Variants in PCDHB14 observed in about 807,000 individuals in gnomAD.
PCDHB14 encodes the protein protocadherin beta-14.
For missense variants in PCDHB14, 1,129 were observed against 1,000.5 expected (o/e 1.13, Z -1.73); for synonymous variants, 511 against 441.5 (o/e 1.16, Z -1.97).
At position 141,225,344 on chromosome 5, in the gene PCDHB14, G is replaced by T. The variant is rs573614506; in HGVS notation, c.1839G>T (p.Gly613=). 7.9e-5 allele frequency: 126 copies of T among 1,603,082 alleles called. No individual in the cohort carries two copies. The highest frequency in any genetic ancestry group is 6.8e-4 in the Middle Eastern group (3 of 4,426). ...SYQLLKATEP[G]LFGVWAHNGE... ...AGCTGCTCAAGGCCACGGAGCCCGG[G>T]CTGTTCGGCGTGTGGGCGCACAATG... is the stretch of plus-strand genomic sequence containing the variant. Residue 613 remains glycine (G), a synonymous_variant, in exon 1 of 1, where the codon GGG becomes GGT. Transcript: ENST00000239449.
Position 141,225,252 on chromosome 5 carries a change from G to A in PCDHB14, c.1747G>A (p.Gly583Ser). ...TELVPRAAEP[G>S]YLVTKVVAVD... ...GCTGGTGCCCCGGGCGGCCGAGCCG[G>A]GCTACCTGGTGACCAAGGTGGTGGC... is the stretch of plus-strand genomic sequence containing the variant. The change falls in exon 1 of 1, where the codon GGC becomes AGC. Residue 583 changes from glycine (G) to serine (S), a missense_variant. Physicochemically the swap from Gly to Ser is moderately conservative, Grantham distance 56. Coordinates refer to ENST00000239449, the MANE Select transcript of PCDHB14 (RefSeq NM_018934.4). The A allele has an allele frequency of 1.3e-6, 2 of 1,599,800 alleles. No homozygotes were observed. Among genetic ancestry groups the A allele is most frequent in the East Asian group, 2.2e-5 (1 of 44,746 alleles).
At position 141,226,231 on chromosome 5, in the gene PCDHB14, T is replaced by C. The variant is rs1470668999; in HGVS notation, c.*329T>C. The stretch of plus-strand genomic sequence containing the variant: ...TATTAAGAGCTAATGTCATTATATA[T>C]GTAACTTAAATCTAGACACCATCAA... On this transcript the variant is annotated 3_prime_UTR_variant, in exon 1 of 1. Transcript: ENST00000239449. 3.2e-5 allele frequency: 7 copies of C among 218,090 alleles called. No homozygotes were observed. The highest frequency in any genetic ancestry group is 1.6e-4 in the African/African-American group (7 of 42,906). The allele number at this position is 218,090 out of a possible 1,614,324, so 13.5% of individuals were successfully genotyped here.
rs782183868 is a variant in PCDHB14 at position 141,225,928 on chromosome 5, T to C, written c.*26T>C. The C allele has an allele frequency of 1.3e-6, 2 of 1,570,798 alleles. No homozygotes were observed. The highest frequency in any genetic ancestry group is 1.7e-6 in the Non-Finnish European group (2 of 1,157,090). On this transcript the variant is annotated 3_prime_UTR_variant, in exon 1 of 1. Transcript: ENST00000239449. The stretch of plus-strand genomic sequence containing the variant: ...AACAATTTATTTTAAATGTCTAATT[T>C]TTGGTTATTCTTGGCAAGCTGATGG...
chr5:141,223,778 C>T lies in PCDHB14; in HGVS notation c.273C>T (p.Asp91=). Residue 91 remains aspartate (D), a synonymous_variant, in exon 1 of 1, where the codon GAC becomes GAT. Transcript: ENST00000239449. ...TGNLLLNEKL[D]RDELCGSTEP... ...ATTTGCTCCTAAATGAGAAACTAGA[C>T]CGAGACGAGCTGTGTGGCTCCACCG... 6.2e-7 allele frequency: 1 copy of T among 1,614,062 alleles called. No homozygotes were observed. Among genetic ancestry groups the T allele is most frequent in the South Asian group, 1.1e-5 (1 of 91,054 alleles).
Position 141,223,936 on chromosome 5 carries a change from AAGGTACC to A in PCDHB14, c.433_439del (p.Gly145LeufsTer7). 1 of 1,614,082 alleles carries A rather than the reference AAGGTACC, an allele frequency of 6.2e-7. No individual in the cohort carries two copies. Among genetic ancestry groups the A allele is most frequent in the Non-Finnish European group, 8.5e-7 (1 of 1,179,978 alleles). ...AAGGAAATACTTATTAAAATATCAG[AAGGTACC>A]ACTGTTGGAGCTACCTTTCTAATGG... On this transcript the variant is annotated frameshift_variant, in exon 1 of 1. Transcript: ENST00000239449. LOFTEE classifies it low-confidence loss of function (END_TRUNC).
chr5:141,225,982 T>A lies in PCDHB14; in HGVS notation c.*80T>A. 7.7e-7 allele frequency: 1 copy of A among 1,304,056 alleles called. No individual in the cohort carries two copies. The highest frequency in any genetic ancestry group is 1.5e-5 in the African/African-American group (1 of 67,692). The allele number at this position is 1,304,056 out of a possible 1,614,324, so 80.8% of individuals were successfully genotyped here. Reference sequence around the variant, plus strand: ...TTTTTGCATAATCTTTTGTGGATTCTTGGTTGTACTGTAGTTGCATGCATG... The same window carrying A: ...TTTTTGCATAATCTTTTGTGGATTCATGGTTGTACTGTAGTTGCATGCATG... On this transcript the variant is annotated 3_prime_UTR_variant, in exon 1 of 1. Transcript: ENST00000239449.
rs782711820 is a variant in PCDHB14, at chr5:141,225,663, G to A, written c.2158G>A (p.Ala720Thr). ...GCGGCTGTGCAGGAGGAGCAGGGCGGCCTCGGTGGGTCGCTGCTCGGTGCC... is the reference window on the plus strand; with the variant it reads ...GCGGCTGTGCAGGAGGAGCAGGGCGACCTCGGTGGGTCGCTGCTCGGTGCC... ...AVRLCRRSRA[A>T]SVGRCSVPEG... Residue 720 changes from alanine (A) to threonine (T), a missense_variant, in exon 1 of 1, where the codon GCC (alanine) becomes ACC (threonine). Transcript: ENST00000239449. 56 of 1,613,688 alleles carry A rather than the reference G, an allele frequency of 3.5e-5. 1 individual carries two copies. The South Asian group carries it at 5.8e-4, about 17-fold the overall frequency.
Position 141,224,499 on chromosome 5 carries a change from A to G in PCDHB14, c.994A>G (p.Thr332Ala), listed in dbSNP as rs1554289188. The G allele has an allele frequency of 6.2e-7, 1 of 1,613,524 alleles. No homozygotes were observed. The highest frequency in any genetic ancestry group is 8.5e-7 in the Non-Finnish European group (1 of 1,179,836). Residue 332 changes from threonine (T) to alanine (A), a missense_variant, in exon 1 of 1, where the codon ACC becomes GCC. By Grantham distance (58) the Thr-to-Ala change is moderately conservative. Transcript: ENST00000239449. ...TGGTGGGGGTCTTTCAGGAAAATGC[A>G]CCCTTCTAGTTAAAGTTATGGATAT... The part of the protein sequence containing the change: ...TDGGGLSGKC[T>A]LLVKVMDIND...
chr5:141,225,114 G>A lies in PCDHB14; in HGVS notation c.1609G>A (p.Gly537Arg). The A allele has an allele frequency of 2.5e-6, 4 of 1,612,038 alleles. No individual in the cohort carries two copies. The highest frequency in any genetic ancestry group is 3.4e-6 in the Non-Finnish European group (4 of 1,179,816). ...FEFRVGATDRGSPALSSEALV... is the reference protein window; with the variant it reads ...FEFRVGATDRRSPALSSEALV... ...GTTTCGCGTGGGCGCCACAGACCGC[G>A]GGTCCCCGGCGTTGAGCAGCGAGGC... The change falls in exon 1 of 1, where the codon GGG (glycine) becomes AGG (arginine). Residue 537 changes from glycine (G) to arginine (R), a missense_variant. Transcript: ENST00000239449.
In PCDHB14 at chr5:141,223,483, A is replaced by T. The variant is rs782565299; in HGVS notation, c.-23A>T. ...ATTACGGCTGAGCTTCAGTTTTTCC[A>T]CAAGAGATTGCCTAAAGGAACCATG... On this transcript the variant is annotated 5_prime_UTR_variant, in exon 1 of 1. Coordinates refer to ENST00000239449, the MANE Select transcript of PCDHB14 (RefSeq NM_018934.4). 1 of 1,543,978 alleles carries T rather than the reference A, an allele frequency of 6.5e-7. No individual in the cohort carries two copies.
In PCDHB14 at chr5:141,223,780, G is replaced by C. The variant is rs1554289041; in HGVS notation, c.275G>C (p.Arg92Pro). ...GNLLLNEKLD[R>P]DELCGSTEPC... ...TTGCTCCTAAATGAGAAACTAGACCGAGACGAGCTGTGTGGCTCCACCGAG... is the reference window on the plus strand; with the variant it reads ...TTGCTCCTAAATGAGAAACTAGACCCAGACGAGCTGTGTGGCTCCACCGAG... Residue 92 changes from arginine (R) to proline (P), a missense_variant, in exon 1 of 1, where the codon CGA (arginine) becomes CCA (proline). Coordinates refer to ENST00000239449, the MANE Select transcript of PCDHB14 (RefSeq NM_018934.4). The C allele has an allele frequency of 6.2e-7, 1 of 1,613,998 alleles. No homozygotes were observed. Among genetic ancestry groups the C allele is most frequent in the Admixed American group, 1.7e-5 (1 of 60,004 alleles).
Position 141,225,031 on chromosome 5 carries a change from A to G in PCDHB14, c.1526A>G (p.Asp509Gly), listed in dbSNP as rs199617011. 276 of 1,612,596 alleles carry G rather than the reference A, an allele frequency of 1.7e-4. 1 individual carries two copies. Among genetic ancestry groups the G allele is most frequent in the Non-Finnish European group, 2.3e-4 (269 of 1,179,994 alleles). The stretch of plus-strand genomic sequence containing the variant: ...GCCTCCTTGGTCTCCATCAACGCGG[A>G]CAATGGCCACCTGTTTGCCCTCAGG... ...PLASLVSINA[D>G]NGHLFALRSL... Residue 509 changes from aspartate to glycine, a missense_variant, in exon 1 of 1, where the codon GAC becomes GGC. Coordinates refer to ENST00000239449, the MANE Select transcript of PCDHB14 (RefSeq NM_018934.4).
chr5:141,223,906 T>C lies in PCDHB14; in HGVS notation c.401T>C (p.Leu134Pro). The stretch of plus-strand genomic sequence containing the variant: ...ATAAATGATCACTCCCCTACATTTC[T>C]AGACAAGGAAATACTTATTAAAATA... ...KDINDHSPTF[L>P]DKEILIKISE... Residue 134 changes from leucine to proline, a missense_variant, in exon 1 of 1, where the codon CTA becomes CCA. By Grantham distance (98) the Leu-to-Pro change is moderately conservative. Coordinates refer to ENST00000239449, the MANE Select transcript of PCDHB14 (RefSeq NM_018934.4). The C allele has an allele frequency of 6.2e-7, 1 of 1,613,960 alleles. No homozygotes were observed. Among genetic ancestry groups the C allele is most frequent in the South Asian group, 1.1e-5 (1 of 91,054 alleles).
chr5:141,225,898 A>C lies in PCDHB14; in HGVS notation c.2393A>C (p.Gln798Pro). 6.3e-7 allele frequency: 1 copy of C among 1,595,252 alleles called. No individual in the cohort carries two copies. The highest frequency in any genetic ancestry group is 1.1e-5 in the South Asian group (1 of 88,314). ...NFRNSFGLNI[Q>P] The stretch of plus-strand genomic sequence containing the variant: ...CGAAATAGCTTTGGACTTAACATTC[A>C]ATAAAACAATTTATTTTAAATGTCT... Residue 798 changes from glutamine (Q) to proline (P), a missense_variant, in exon 1 of 1, where the codon CAA becomes CCA. Transcript: ENST00000239449.
Position 141,224,540 on chromosome 5 carries a change from A to C in PCDHB14, c.1035A>C (p.Pro345=), listed in dbSNP as rs782064145. ...TTATGGATATAAACGACAACCCACC[A>C]GAAGTGACCATATCGTCGATTACAA... The part of the protein sequence containing the change: ...VKVMDINDNP[P]EVTISSITKR... Residue 345 remains proline, a synonymous_variant, in exon 1 of 1, where the codon CCA becomes CCC. Transcript: ENST00000239449. 1 of 1,612,598 alleles carries C rather than the reference A, an allele frequency of 6.2e-7. No individual in the cohort carries two copies. The highest frequency in any genetic ancestry group is 1.1e-5 in the South Asian group (1 of 90,744).
Position 141,224,769 on chromosome 5 carries a change from A to G in PCDHB14, c.1264A>G (p.Thr422Ala). 1.2e-6 allele frequency: 2 copies of G among 1,614,190 alleles called. No homozygotes were observed. Among genetic ancestry groups the G allele is most frequent in the Non-Finnish European group, 1.7e-6 (2 of 1,180,028 alleles). Residue 422 changes from threonine to alanine, a missense_variant, in exon 1 of 1, where the codon ACC becomes GCC. By Grantham distance (58) the Thr-to-Ala change is moderately conservative (BLOSUM62 0). Transcript: ENST00000239449. ...ESQAEYNITI[T>A]VTDLGTPRLK... The stretch of plus-strand genomic sequence containing the variant: ...CCAAGCCGAGTACAACATCACGATC[A>G]CCGTCACAGACTTGGGGACACCCAG...
rs781826182 is a variant in PCDHB14, at chr5:141,224,972, G to T, written c.1467G>T (p.Ser489=). Residue 489 remains serine, a synonymous_variant, in exon 1 of 1, where the codon TCG becomes TCT. Coordinates refer to ENST00000239449, the MANE Select transcript of PCDHB14 (RefSeq NM_018934.4). Reference sequence around the variant, plus strand: ...GCACCAACGCCCAGGTCAACTACTCGCTGCTGCCGCCCCAGGACCGGCACC... The same window carrying T: ...GCACCAACGCCCAGGTCAACTACTCTCTGCTGCCGCCCCAGGACCGGCACC... The part of the protein sequence containing the change: ...DSGTNAQVNY[S]LLPPQDRHLP... The T allele has an allele frequency of 1.9e-6, 3 of 1,612,436 alleles. No homozygotes were observed. Among genetic ancestry groups the T allele is most frequent in the Non-Finnish European group, 2.5e-6 (3 of 1,180,038 alleles).
In PCDHB14 at chr5:141,224,542, A is replaced by G. The variant is rs782815559; in HGVS notation, c.1037A>G (p.Glu346Gly). 3 of 1,612,716 alleles carry G rather than the reference A, an allele frequency of 1.9e-6. No homozygotes were observed. Among genetic ancestry groups the G allele is most frequent in the Non-Finnish European group, 2.5e-6 (3 of 1,179,700 alleles). Residue 346 changes from glutamate (E) to glycine (G), a missense_variant, in exon 1 of 1, where the codon GAA (glutamate) becomes GGA (glycine). Transcript: ENST00000239449. ...ATGGATATAAACGACAACCCACCAG[A>G]AGTGACCATATCGTCGATTACAAAG... ...KVMDINDNPP[E>G]VTISSITKRI...
rs782028702 is a variant in PCDHB14, at chr5:141,224,421, C to A, written c.916C>A (p.Pro306Thr). 2 of 1,607,288 alleles carry A rather than the reference C, an allele frequency of 1.2e-6. No individual in the cohort carries two copies. The highest frequency in any genetic ancestry group is 2.2e-5 in the South Asian group (2 of 89,692). The change falls in exon 1 of 1, where the codon CCC becomes ACC. Residue 306 changes from proline (P) to threonine (T), a missense_variant. Coordinates refer to ENST00000239449, the MANE Select transcript of PCDHB14 (RefSeq NM_018934.4). ...PISGEVNLRSPLDFEVIQSYT... is the reference protein window; with the variant it reads ...PISGEVNLRSTLDFEVIQSYT... Reference sequence around the variant, plus strand: ...ATCTGGGGAAGTTAATTTGAGATCACCCCTGGATTTTGAAGTAATACAGTC... The same window carrying A: ...ATCTGGGGAAGTTAATTTGAGATCAACCCTGGATTTTGAAGTAATACAGTC...
Sources: gnomAD v4.1 joint callset for allele counts on GRCh38, gnomAD v4.1.1 for gene constraint, MANE v1.5 for transcripts, NCBI Gene and HGNC (gene_info 2026-07-23, HGNC 2026-07-21) for gene names.